The following RANBP2 variants were observed in gnomAD, a reference collection of about 807,000 sequenced individuals.
The protein encoded by RANBP2 is E3 SUMO-protein ligase RanBP2.
Under a neutral mutation model 303.6 loss-of-function variants are expected in RANBP2, and 57 were observed. The observed-to-expected ratio is 0.19, with a 90% CI of 0.15 to 0.23. The LOEUF (loss-of-function observed/expected upper bound fraction) is 0.23. RANBP2 is among the 10% of genes least tolerant of loss of function. RANBP2 has a pLI of 1.00. For synonymous variants in RANBP2, 1,167 were observed against 1,301.5 expected (o/e 0.90, Z 2.23); for missense variants, 3,138 against 3,780.8 (o/e 0.83, Z 4.46).
chr2:109,215,215 C>T, the RANBP2 span, among the ~76,000 whole-genome samples: 1 of 152,160 alleles, frequency 6.6e-6, no homozygotes, highest in Non-Finnish European at 1.5e-5. Flanking sequence ...CCCTCATGGT[C>T]CCTGCCCCCT....
At chr2:109,766,085 G>C in the RANBP2 span, among the ~76,000 whole-genome samples, 1 of 150,330 alleles carries the variant, frequency 6.7e-6, no homozygotes, top group Non-Finnish European at 1.5e-5. Flanking sequence ...GTAGACAGCA[G>C]CTCTGCAGAG....
chr2:108,744,082 A>G (rs1007923449), intron 7 of RANBP2, among the ~76,000 whole-genome samples: 3 of 152,176 alleles, frequency 2.0e-5, no homozygotes, highest in African/African-American at 4.8e-5. Context: ...CTAGGTAGTT[A>G]ACAAAGTATC....
At chr2:108,733,276 TTTTTTTTG>T (rs1695322115) in intron 4 of RANBP2, among the ~76,000 whole-genome samples, 1 of 141,650 alleles carries the variant, frequency 7.1e-6, no homozygotes, top group African/African-American at 2.7e-5. Context: ...TTTTTTTTTT[TTTTTTTTG>T]AGACAGAGTC....
In RANBP2 at chr2:108,782,539, A is replaced by C. The variant is rs1178123914; in HGVS notation, c.9046A>C (p.Lys3016Gln). 1 of 1,614,204 alleles carries C rather than the reference A, an allele frequency of 6.2e-7. No homozygotes were observed. Among genetic ancestry groups the C allele is most frequent in the Non-Finnish European group, 8.5e-7 (1 of 1,180,034 alleles). Reference protein sequence around the residue: ...TASDYADGEAKVEQLAVRFKT... With the variant: ...TASDYADGEAQVEQLAVRFKT... ...TCCCTCCCTGCCAGATGGAGAAGCA[A>C]AAGTAGAACAGCTTGCAGTGAGATT... The change falls in exon 28 of 29, where the codon AAA becomes CAA. Residue 3016 changes from lysine (K) to glutamine (Q), a missense_variant. Coordinates refer to ENST00000283195, the MANE Select transcript of RANBP2 (RefSeq NM_006267.5).
chr2:109,435,730 C>T, the RANBP2 span, among the ~76,000 whole-genome samples: 1 of 152,210 alleles, frequency 6.6e-6, no homozygotes, highest in African/African-American at 2.4e-5. Flanking sequence ...TATCACCTTG[C>T]AAATTAGTGA....
At chr2:109,232,765 A>G in the RANBP2 span, among the ~76,000 whole-genome samples, 1,377 of 152,282 alleles carry the variant, frequency 9.0e-3, 22 homozygotes, top group African/African-American at 0.031. Flanking sequence ...TTCCCTGATG[A>G]TAATTAAAGG....
At chr2:109,481,939 C>G in the RANBP2 span, among the ~76,000 whole-genome samples, 1 of 152,210 alleles carries the variant, frequency 6.6e-6, no homozygotes, top group Admixed American at 6.5e-5. Context: ...ATGTGAATGC[C>G]TCTGTGCTCC....
the RANBP2 span, among the ~76,000 whole-genome samples, chr2:109,563,069 C>G: frequency 1.3e-5 from 2 of 152,088 alleles, no homozygotes; most frequent in Non-Finnish European, 2.9e-5. Context: ...TGCCACCATA[C>G]CCAGCTAATT....
At chr2:108,979,576 C>A in the RANBP2 span, among the ~76,000 whole-genome samples, 1 of 151,982 alleles carries the variant, frequency 6.6e-6, no homozygotes, top group Non-Finnish European at 1.5e-5. Context: ...CAGGTGGCGG[C>A]TGGGGACTTG....
intron 23 of RANBP2, among the ~76,000 whole-genome samples, chr2:108,773,660 T>TGGG (rs869057589): frequency 6.7e-6 from 1 of 149,516 alleles, no homozygotes; most frequent in Non-Finnish European, 1.5e-5. Flanking sequence ...TTTTTTTTTT[T>TGGG]GGGGGGGGAT....
chr2:108,786,710 C>G (rs563220278), downstream of RANBP2: 13 of 1,004,688 alleles, frequency 1.3e-5, no homozygotes, highest in Non-Finnish European at 1.8e-5. Context: ...TCCCTGCCGC[C>G]GTGCGTGCCT....
At chr2:109,246,934 C>T in the RANBP2 span, among the ~76,000 whole-genome samples, 1 of 152,196 alleles carries the variant, frequency 6.6e-6, no homozygotes, top group Non-Finnish European at 1.5e-5. Flanking sequence ...TGCTGCAGCT[C>T]AGCCTTGAGG....
At chr2:109,080,980 A>G in the RANBP2 span, among the ~76,000 whole-genome samples, 1 of 152,190 alleles carries the variant, frequency 6.6e-6, no homozygotes, top group African/African-American at 2.4e-5. Flanking sequence ...TTCAAAACTC[A>G]CAGATTCTTC....
the RANBP2 span, among the ~76,000 whole-genome samples, chr2:108,869,721 G>T: frequency 6.6e-6 from 1 of 152,224 alleles, no homozygotes; most frequent in Non-Finnish European, 1.5e-5. Flanking sequence ...CACAGGCCCA[G>T]ACAGGATGCA....
At position 108,751,922 on chromosome 2, in the gene RANBP2, T is replaced by C; in HGVS notation, c.1683T>C (p.Thr561=). The C allele has an allele frequency of 3.1e-6, 5 of 1,611,940 alleles. No homozygotes were observed. The highest frequency in any genetic ancestry group is 4.2e-6 in the Non-Finnish European group (5 of 1,179,852). The change falls in exon 12 of 29, where the codon ACT becomes ACC. Residue 561 remains threonine (T), a synonymous_variant. Coordinates refer to ENST00000283195, the MANE Select transcript of RANBP2 (RefSeq NM_006267.5). The stretch of plus-strand genomic sequence containing the variant: ...TTCTAGTTCAGCATGAAATAAACAC[T>C]CTAAGAGCCCAGGAAAAACATGGCC... ...LRLLVQHEIN[T]LRAQEKHGLQ... is the part of the protein sequence containing the mutation.
At chr2:109,328,750 C>G in the RANBP2 span, among the ~76,000 whole-genome samples, 1 of 152,196 alleles carries the variant, frequency 6.6e-6, no homozygotes, top group Non-Finnish European at 1.5e-5. Context: ...TCCTCTCCCC[C>G]ACATTTGTGT....
At chr2:109,358,772 A>T in the RANBP2 span, among the ~76,000 whole-genome samples, 1 of 152,222 alleles carries the variant, frequency 6.6e-6, no homozygotes, top group Non-Finnish European at 1.5e-5. Flanking sequence ...TGCAGAGTAC[A>T]AATTACTAAT....
At chr2:109,625,266 T>C in the RANBP2 span, among the ~76,000 whole-genome samples, 1 of 151,914 alleles carries the variant, frequency 6.6e-6, no homozygotes, top group African/African-American at 2.4e-5. Flanking sequence ...TTGTTTGTAA[T>C]AGCAGCAGAA....
the RANBP2 span, among the ~76,000 whole-genome samples, chr2:109,684,290 G>A: frequency 7.8e-6 from 1 of 128,594 alleles, no homozygotes; most frequent in African/African-American, 2.9e-5. Flanking sequence ...CGCCCAGGCT[G>A]GAGTGCAGTG....
Sources: gnomAD v4.1 joint callset for allele counts (sites outside exome capture counted in the v4.1 genomes callset) on GRCh38, gnomAD v4.1.1 for gene constraint, MANE v1.5 for transcripts, NCBI Gene and HGNC (gene_info 2026-07-23, HGNC 2026-07-21) for gene names.